ATP8A1: variants seen among roughly 807,000 people sequenced by gnomAD.
ATP8A1 encodes the protein ATPase phospholipid transporting 8A1.
ATP8A1 carries 90 observed loss-of-function variants against 177.7 expected under a neutral mutation model. The ratio of observed to expected loss-of-function variants is 0.51; its 90% CI spans 0.43 to 0.60. ATP8A1 has a LOEUF of 0.60. Ranked by LOEUF, ATP8A1 falls within the 20% of genes least tolerant of loss-of-function variation. The pLI is 0.00. For missense variants in ATP8A1, 1,072 were observed against 1,392.8 expected (o/e 0.77, Z 3.67); for synonymous variants, 493 against 485.9 (o/e 1.01, Z -0.19).
At chr4:42,569,441 TCAC>T (rs1467536836) in intron 14 of ATP8A1, among the ~76,000 whole-genome samples, 1 of 152,206 alleles carries the variant, frequency 6.6e-6, no homozygotes, top group Non-Finnish European at 1.5e-5. Flanking sequence ...ATTTGCCTCT[TCAC>T]CAGAACATTT....
intron 12 of ATP8A1, among the ~76,000 whole-genome samples, chr4:42,576,963 C>A (rs1732525198): frequency 6.6e-6 from 1 of 152,122 alleles, no homozygotes; most frequent in Non-Finnish European, 1.5e-5. Flanking sequence ...CTTAATAGAT[C>A]CATTGGGAAG....
At chr4:42,555,085 GTATCTATCTATCTATCTATCTATCTATC>G (rs200520162) in intron 16 of ATP8A1, among the ~76,000 whole-genome samples, 19 of 119,476 alleles carry the variant, frequency 1.6e-4, no homozygotes, top group African/African-American at 6.1e-4. Context: ...CTTTGTGTGT[GTATCTATCTATCTATCTATCTATCTATC>G]TATCTATCTA....
chr4:42,481,381 T>A (rs1410631346), intron 25 of ATP8A1, among the ~76,000 whole-genome samples: 1 of 152,206 alleles, frequency 6.6e-6, no homozygotes, highest in Non-Finnish European at 1.5e-5. Flanking sequence ...GCTTCCTATA[T>A]CTGGGTTCCC....
Position 42,574,706 on chromosome 4 carries a change from A to G in ATP8A1, c.1208T>C (p.Val403Ala). 1 of 1,594,238 alleles carries G rather than the reference A, an allele frequency of 6.3e-7. No homozygotes were observed. ...TSNLNEELGQVKYIFSDKTGT... is the reference protein window; with the variant it reads ...TSNLNEELGQAKYIFSDKTGT... ...AGTTTTGTCAGAAAATATGTATTTAACCTAAAAAAGTTTAAAATTTCTCAT... is the reference window on the plus strand; with the variant it reads ...AGTTTTGTCAGAAAATATGTATTTAGCCTAAAAAAGTTTAAAATTTCTCAT... Residue 403 changes from valine to alanine, a missense_variant and splice_region_variant, in exon 14 of 37, where the codon GTT becomes GCT. Physicochemically the swap from Val to Ala is moderately conservative, Grantham distance 64. Transcript: ENST00000381668.
intron 22 of ATP8A1, among the ~76,000 whole-genome samples, chr4:42,521,608 A>C (rs571408013): frequency 6.6e-6 from 1 of 152,322 alleles, no homozygotes; most frequent in Admixed American, 6.5e-5. Flanking sequence ...GAAATAATAC[A>C]GGTATATGTT....
intron 16 of ATP8A1, 91 bp from the exon 17 acceptor site, chr4:42,552,701 T>A: frequency 1.0e-6 from 1 of 960,040 alleles, no homozygotes; most frequent in Non-Finnish European, 1.6e-6. Flanking sequence ...AAGAACATAG[T>A]TGTTGGCCAG....
chr4:42,457,560 C>T (rs936281422), intron 27 of ATP8A1, among the ~76,000 whole-genome samples: 1 of 152,208 alleles, frequency 6.6e-6, no homozygotes, highest in Non-Finnish European at 1.5e-5. Context: ...ATACCAAATT[C>T]GTCTAACGGA....
At chr4:42,651,830 C>T (rs1268418624) in intron 1 of ATP8A1, among the ~76,000 whole-genome samples, 1 of 152,218 alleles carries the variant, frequency 6.6e-6, no homozygotes, top group Non-Finnish European at 1.5e-5. Context: ...GTAGCAGGCA[C>T]AGCCAACCCT....
intron 20 of ATP8A1, among the ~76,000 whole-genome samples, chr4:42,532,992 C>G (rs1043435121): frequency 3.3e-5 from 5 of 152,238 alleles, no homozygotes; most frequent in African/African-American, 1.2e-4. Flanking sequence ...TTTGCTGACT[C>G]CTTTTTTGGA....
At chr4:42,419,435 C>T (rs866316971) in intron 35 of ATP8A1, among the ~76,000 whole-genome samples, 29 of 147,392 alleles carry the variant, frequency 2.0e-4, no homozygotes, top group African/African-American at 5.8e-4. Context: ...GAAGTTTATA[C>T]AGAGTATAAA....
chr4:42,633,224 GAC>G (rs1366111837), intron 1 of ATP8A1, among the ~76,000 whole-genome samples: 3 of 152,148 alleles, frequency 2.0e-5, no homozygotes, highest in African/African-American at 4.8e-5. Context: ...TGAGAATGAC[GAC>G]ACAGAGTCTT....
chr4:42,479,327 C>T (rs923826076), intron 25 of ATP8A1, among the ~76,000 whole-genome samples: 2 of 152,206 alleles, frequency 1.3e-5, no homozygotes, highest in African/African-American at 4.8e-5. Flanking sequence ...CCACCTTGCT[C>T]AAAACACCAA....
chr4:42,430,448 A>C (rs1313905776), intron 33 of ATP8A1, among the ~76,000 whole-genome samples: 1 of 150,804 alleles, frequency 6.6e-6, no homozygotes, highest in Non-Finnish European at 1.5e-5. Flanking sequence ...GTTCTGCCCC[A>C]GCCCTGTCTC....
chr4:42,621,320 G>A (rs1456479230), intron 4 of ATP8A1, among the ~76,000 whole-genome samples: 1 of 152,220 alleles, frequency 6.6e-6, no homozygotes, highest in African/African-American at 2.4e-5. Flanking sequence ...CATGGCAAAT[G>A]CCATCTTAAT....
At chr4:42,417,782 G>A (rs1021072885) in intron 35 of ATP8A1, among the ~76,000 whole-genome samples, 1 of 152,150 alleles carries the variant, frequency 6.6e-6, no homozygotes, top group Admixed American at 6.5e-5. Context: ...ATCCATTCAT[G>A]GAATGTTTAA....
At chr4:42,596,083 T>A (rs1734687845) in intron 6 of ATP8A1, among the ~76,000 whole-genome samples, 1 of 152,234 alleles carries the variant, frequency 6.6e-6, no homozygotes, top group Non-Finnish European at 1.5e-5. Flanking sequence ...TCCAAACACC[T>A]GTCTTTCCTT....
intron 33 of ATP8A1, among the ~76,000 whole-genome samples, chr4:42,437,975 G>A (rs1351750782): frequency 6.6e-6 from 1 of 152,198 alleles, no homozygotes; most frequent in Non-Finnish European, 1.5e-5. Flanking sequence ...GCTGAAGATG[G>A]AAATAGTATA....
intron 6 of ATP8A1, among the ~76,000 whole-genome samples, chr4:42,599,243 C>T (rs371395777): frequency 6.6e-6 from 1 of 152,060 alleles, no homozygotes; most frequent in South Asian, 2.1e-4. Flanking sequence ...CACTGACAAC[C>T]CTAGGTAAAA....
At chr4:42,425,721 G>A (rs564336466) in intron 33 of ATP8A1, among the ~76,000 whole-genome samples, 62 of 152,280 alleles carry the variant, frequency 4.1e-4, no homozygotes, top group African/African-American at 1.4e-3. Context: ...TGAGACAATG[G>A]TGGATTGCTC....
Sources: allele counts gnomAD v4.1 joint callset (sites outside exome capture counted in the v4.1 genomes callset), GRCh38; gene constraint gnomAD v4.1.1; transcripts MANE v1.5; gene names NCBI Gene and HGNC (gene_info 2026-07-23, HGNC 2026-07-21).